VAMP4: variants seen among roughly 807,000 people sequenced by gnomAD.
VAMP4 encodes vesicle associated membrane protein 4.
VAMP4 carries 19 observed loss-of-function variants against 23.5 expected under a neutral mutation model. The observed-to-expected ratio is 0.81, with a 90% CI of 0.56 to 1.19. The LOEUF (loss-of-function observed/expected upper bound fraction) is 1.19, where lower values mean the gene tolerates loss of function less well. Among genes scored for constraint, VAMP4 ranks in the 50% most tolerant of loss-of-function variants. The pLI is 0.00. For missense variants in VAMP4, 145 were observed against 168.6 expected (o/e 0.86, Z 0.78); for synonymous variants, 31 against 51.0 (o/e 0.61, Z 1.67).
chr1:171,739,359 C>T (rs1016679617), intron 1 of VAMP4, among the ~76,000 whole-genome samples: 9 of 152,320 alleles, frequency 5.9e-5, no homozygotes, highest in African/African-American at 1.2e-4. Context: ...AGTTCCTGGA[C>T]GGTGGCACAC....
At position 171,704,551 on chromosome 1, in the gene VAMP4, GA is replaced by G; in HGVS notation, c.398-18del. ...CTATAAGAACTGTAAGAGAAAACAT[GA>G]AAAAAGCAATATATCAACATCAGAT... On this transcript the variant is annotated intron_variant, in intron 7 of 7. Transcript: ENST00000236192. The G allele has an allele frequency of 1.3e-6, 2 of 1,563,990 alleles. No individual in the cohort carries two copies. The highest frequency in any genetic ancestry group is 1.8e-5 in the Admixed American group (1 of 54,306).
intron 5 of VAMP4, 106 bp from the exon 6 acceptor site, chr1:171,709,850 T>G (rs1429581602): frequency 6.7e-6 from 6 of 890,494 alleles, no homozygotes; most frequent in Non-Finnish European, 1.1e-5. Flanking sequence ...TGCAAATTTA[T>G]TCCCTTTTAA....
At chr1:171,706,680 T>C (rs12034114) in intron 6 of VAMP4, among the ~76,000 whole-genome samples, 9,124 of 152,208 alleles carry the variant, frequency 0.06, 387 homozygotes, top group East Asian at 0.25. Flanking sequence ...AATTCTCATA[T>C]ACTTTGAAAA....
chr1:171,710,519 C>T (rs1302656412), intron 5 of VAMP4, among the ~76,000 whole-genome samples, 195 bp downstream of exon 5: 2 of 151,950 alleles, frequency 1.3e-5, no homozygotes, highest in African/African-American at 4.8e-5. Context: ...CTTCATTCTC[C>T]ACTGAACAAT....
intron 3 of VAMP4, among the ~76,000 whole-genome samples, chr1:171,721,924 C>CA (rs1444416422): frequency 2.0e-5 from 3 of 152,144 alleles, no homozygotes; most frequent in Non-Finnish European, 4.4e-5. Context: ...CATATGGAAC[C>CA]AAAAAAGAGC....
At chr1:171,741,006 T>G (rs1416497458) in intron 1 of VAMP4, among the ~76,000 whole-genome samples, 1 of 152,218 alleles carries the variant, frequency 6.6e-6, no homozygotes, top group Non-Finnish European at 1.5e-5. Flanking sequence ...GCTCAGAAAG[T>G]AGACTAGGAT....
chr1:171,723,285 C>T (rs931575183), intron 3 of VAMP4, among the ~76,000 whole-genome samples: 35 of 152,268 alleles, frequency 2.3e-4, no homozygotes, highest in African/African-American at 8.4e-4. Flanking sequence ...TTGATAACAT[C>T]TTATCAGGAG....
intron 7 of VAMP4, among the ~76,000 whole-genome samples, chr1:171,704,831 T>C (rs1244211245): frequency 6.6e-6 from 1 of 152,024 alleles, no homozygotes; most frequent in Admixed American, 6.6e-5. Flanking sequence ...ACAATATATT[T>C]ATTAGAAAGT....
chr1:171,719,285 G>T (rs1343749249), intron 3 of VAMP4, 64 bp from the exon 4 acceptor site: 19 of 1,382,788 alleles, frequency 1.4e-5, no homozygotes, highest in Non-Finnish European at 1.8e-5. Context: ...ACAAAAAAAA[G>T]ATAGAAAGTA....
chr1:171,709,574 A>G, intron 6 of VAMP4, 91 bp downstream of exon 6: 1 of 1,144,030 alleles, frequency 8.7e-7, no homozygotes, highest in Non-Finnish European at 1.3e-6. Flanking sequence ...GTTCTCACAG[A>G]GGTTATGCTC....
intron 2 of VAMP4, among the ~76,000 whole-genome samples, chr1:171,736,236 G>A (rs1345390894): frequency 6.6e-6 from 1 of 152,126 alleles, no homozygotes; most frequent in Non-Finnish European, 1.5e-5. Flanking sequence ...TCCAGCACAG[G>A]TATATCAAAT....
At chr1:171,739,965 T>G (rs1445183523) in intron 1 of VAMP4, among the ~76,000 whole-genome samples, 1 of 152,212 alleles carries the variant, frequency 6.6e-6, no homozygotes, top group Non-Finnish European at 1.5e-5. Context: ...TATTTTTGAC[T>G]AGATGGTAGA....
At chr1:171,709,436 C>A (rs1654773725) in intron 6 of VAMP4, among the ~76,000 whole-genome samples, 2 of 152,100 alleles carry the variant, frequency 1.3e-5, no homozygotes, top group Non-Finnish European at 2.9e-5. Context: ...GGATTACTTT[C>A]ATTAAAAAAA....
intron 1 of VAMP4, among the ~76,000 whole-genome samples, chr1:171,739,560 C>G (rs921065493): frequency 2.6e-5 from 4 of 152,222 alleles, no homozygotes; most frequent in Admixed American, 2.6e-4. Flanking sequence ...GTTGGAAACA[C>G]AGGTAAAACA....
In VAMP4 at chr1:171,704,453, C is replaced by A. The variant is rs1654581814; in HGVS notation, c.*53G>T. 2 of 1,465,982 alleles carry A rather than the reference C, an allele frequency of 1.4e-6. No individual in the cohort carries two copies. Among genetic ancestry groups the A allele is most frequent in the Non-Finnish European group, 9.2e-7 (1 of 1,087,192 alleles). 90.8% of individuals were successfully genotyped at this position (1,465,982 alleles called of 1,614,324 possible). A position where few individuals can be genotyped will look rare whatever the true frequency, so the allele number is the denominator to read the frequency against. On this transcript the variant is annotated 3_prime_UTR_variant, in exon 8 of 8. Transcript: ENST00000236192. Reference sequence around the variant, plus strand: ...CATAGGTTTCATTTAAATTATGCAGCAATCTTTTATTACTGTCCCAGATCT... The same window carrying A: ...CATAGGTTTCATTTAAATTATGCAGAAATCTTTTATTACTGTCCCAGATCT...
chr1:171,729,506 A>C (rs1300422243), intron 2 of VAMP4, among the ~76,000 whole-genome samples: 1 of 152,172 alleles, frequency 6.6e-6, no homozygotes, highest in Non-Finnish European at 1.5e-5. Flanking sequence ...TCAGGTGTGG[A>C]ATTTTCCATT....
chr1:171,724,240 G>A (rs181537023), intron 3 of VAMP4, among the ~76,000 whole-genome samples: 8 of 147,446 alleles, frequency 5.4e-5, no homozygotes, highest in East Asian at 2.1e-4. Flanking sequence ...ACCAAACACC[G>A]CATGTTCTCA....
chr1:171,720,533 A>AT (rs59189276), intron 3 of VAMP4, among the ~76,000 whole-genome samples: 8,902 of 152,076 alleles, frequency 0.059, 339 homozygotes, highest in East Asian at 0.24. Flanking sequence ...AGTAACAGGA[A>AT]TGGAAGAGTG....
rs999385334 is a variant in VAMP4 at position 171,738,238 on chromosome 1, G to A, written c.66+111C>T. Reference sequence around the variant, plus strand: ...TCTGCTTCAGCGTCCCAAGTGCGGCGATTGCAGGCATGAGCAACCACGCCC... The same window carrying A: ...TCTGCTTCAGCGTCCCAAGTGCGGCAATTGCAGGCATGAGCAACCACGCCC... On this transcript the variant is annotated intron_variant, in intron 2 of 7. Transcript: ENST00000236192. 24 of 1,181,582 alleles carry A rather than the reference G, an allele frequency of 2.0e-5. 1 individual carries two copies. The highest frequency in any genetic ancestry group is 7.3e-5 in the South Asian group (5 of 68,766). The allele number at this position is 1,181,582 out of a possible 1,614,324, so 73.2% of individuals were successfully genotyped here.
Sources: allele counts gnomAD v4.1 joint callset (sites outside exome capture counted in the v4.1 genomes callset), GRCh38; gene constraint gnomAD v4.1.1; transcripts MANE v1.5; gene names NCBI Gene and HGNC (gene_info 2026-07-23, HGNC 2026-07-21).